PXK: variants seen among roughly 807,000 people sequenced by gnomAD.
PXK encodes the protein PX domain containing serine/threonine kinase like, also known as PX domain-containing protein kinase-like protein.
In PXK, 35 loss-of-function variants were observed where a neutral mutation model predicts 84.7. The ratio of observed to expected loss-of-function variants is 0.41; its 90% CI spans 0.32 to 0.55. The LOEUF (loss-of-function observed/expected upper bound fraction) is 0.55. PXK is among the 20% of genes least tolerant of loss of function. The probability of loss-of-function intolerance (pLI) is 0.21; values close to 1 mark genes in which losing one functional copy is unlikely to be tolerated. For missense variants in PXK, 634 were observed against 699.7 expected, an observed-to-expected ratio of 0.91 and a Z score of 1.06; for synonymous variants, 253 against 260.8, an observed-to-expected ratio of 0.97 and a Z score of 0.29.
At chr3:58,342,497 AG>A (rs1229372257) in intron 1 of PXK, among the ~76,000 whole-genome samples, 31 of 152,014 alleles carry the variant, frequency 2.0e-4, no homozygotes, top group African/African-American at 6.5e-4. Flanking sequence ...TAGCCAGGTA[AG>A]GTAGTGCATG....
At position 58,407,394 on chromosome 3, in the gene PXK, G is replaced by A. The variant is rs1052723919; in HGVS notation, c.1231-1530G>A. 6.6e-6 allele frequency among the ~76,000 whole-genome samples: 1 copy of A among 151,710 alleles called. No individual in the cohort carries two copies. Among genetic ancestry groups the A allele is most frequent in the African/African-American group, 2.4e-5 (1 of 41,268 alleles). Reference sequence around the variant, plus strand: ...ATGTCTTTTGCCTCTTTTTAATTGGGTTACTTATATTTTGTTGTTGAGTTG... The same window carrying A: ...ATGTCTTTTGCCTCTTTTTAATTGGATTACTTATATTTTGTTGTTGAGTTG... On this transcript the variant is annotated intron_variant, in intron 13 of 17. Transcript: ENST00000356151. The surrounding 1 kb of genome is among the most constrained non-coding windows in gnomAD (Gnocchi z 4.3).
chr3:58,408,858 C>A, intron 13 of PXK, 66 bp from the exon 14 acceptor site: 1 of 1,242,644 alleles, frequency 8.0e-7, no homozygotes, highest in Non-Finnish European at 1.2e-6. Flanking sequence ...CCTTCATTTA[C>A]TCCAGGACTT....
rs1194417791 is a variant in PXK at position 58,408,955 on chromosome 3, T to C, written c.1262T>C (p.Ile421Thr). The change falls in exon 14 of 18, where the codon ATT (isoleucine) becomes ACT (threonine). Residue 421 changes from isoleucine (I) to threonine (T), a missense_variant. Physicochemically the swap from Ile to Thr is moderately conservative, Grantham distance 89 (BLOSUM62 -1). Around this residue, in one of 3 missense-constraint regions of PXK, gnomAD observed 273 missense variants for 283.6 expected, o/e 0.96. Coordinates refer to ENST00000356151, the MANE Select transcript of PXK (RefSeq NM_017771.5). The part of the protein sequence containing the change: ...IPTKLKEALR[I>T]AKECIEKRLI... ...ACAAAGTTAAAAGAGGCATTGAGAA[T>C]TGCCAAAGAATGTATAGAGAAGAGA... 1 of 1,589,590 alleles carries C rather than the reference T, an allele frequency of 6.3e-7. No individual in the cohort carries two copies. The highest frequency in any genetic ancestry group is 8.6e-7 in the Non-Finnish European group (1 of 1,157,914).
intron 1 of PXK, among the ~76,000 whole-genome samples, chr3:58,344,797 C>T (rs2097788542): frequency 6.6e-6 from 1 of 152,176 alleles, no homozygotes; most frequent in South Asian, 2.1e-4. Context: ...CATTGCACTC[C>T]AGCCTGGGCA....
rs957642177 is a variant in PXK at position 58,421,285 on chromosome 3, G to C, written c.1529-3467G>C. ...GCTGGCTGCTAACATGGGCCTAAGAGTCGGTGGGGAAGGGAGCCAGGCGCA... is the reference window on the plus strand; with the variant it reads ...GCTGGCTGCTAACATGGGCCTAAGACTCGGTGGGGAAGGGAGCCAGGCGCA... On this transcript the variant is annotated intron_variant, in intron 17 of 17. Transcript: ENST00000356151. This position sits in a 1 kb window ranked among gnomAD's most constrained non-coding sequence, Gnocchi z 5.5. 1.0e-6 allele frequency: 1 copy of C among 985,314 alleles called. No homozygotes were observed. The highest frequency in any genetic ancestry group is 1.2e-6 in the Non-Finnish European group (1 of 829,908). The allele number at this position is 985,314 out of a possible 1,614,324, so 61.0% of individuals were successfully genotyped here.
In PXK at chr3:58,416,867, AC is replaced by A. The variant is rs1318076101; in HGVS notation, c.1528+3907del. ...TGAACTCCTGACCTCAAAGTGATCC[AC>A]CCGCCTCGGCCCCCAAAGTGCTGGG... On this transcript the variant is annotated intron_variant, in intron 17 of 17. Transcript: ENST00000356151. The surrounding 1 kb of genome is among the most constrained non-coding windows in gnomAD (Gnocchi z 4.8). 1.3e-5 allele frequency among the ~76,000 whole-genome samples: 2 copies of A among 151,884 alleles called. No homozygotes were observed. Among genetic ancestry groups the A allele is most frequent in the African/African-American group, 2.4e-5 (1 of 41,342 alleles).
Position 58,409,744 on chromosome 3 carries a change from T to C in PXK, c.1395+126T>C. On this transcript the variant is annotated intron_variant, in intron 15 of 17. Coordinates refer to ENST00000356151, the MANE Select transcript of PXK (RefSeq NM_017771.5). This position sits in a 1 kb window ranked among gnomAD's most constrained non-coding sequence, Gnocchi z 4.2. ...TATCTCCTTGAAAGCTAAGACTATTTCCAGATGACTGGGGTGCAGTTTTTT... is the reference window on the plus strand; with the variant it reads ...TATCTCCTTGAAAGCTAAGACTATTCCCAGATGACTGGGGTGCAGTTTTTT... The C allele has an allele frequency of 1.3e-6, 1 of 779,632 alleles. No homozygotes were observed. The highest frequency in any genetic ancestry group is 2.0e-6 in the Non-Finnish European group (1 of 505,142). 48.3% of individuals were successfully genotyped at this position (779,632 alleles called of 1,614,324 possible). A position where few individuals can be genotyped will look rare whatever the true frequency, so the allele number is the denominator to read the frequency against.
intron 1 of PXK, among the ~76,000 whole-genome samples, chr3:58,334,051 C>CAA (rs2097544754): frequency 6.6e-6 from 1 of 152,188 alleles, no homozygotes; most frequent in African/African-American, 2.4e-5. Flanking sequence ...GATTCAGACT[C>CAA]AGAGGCTTGT....
intron 12 of PXK, among the ~76,000 whole-genome samples, chr3:58,402,297 C>T (rs1355128211): frequency 1.5e-5 from 2 of 135,564 alleles, no homozygotes; most frequent in African/African-American, 5.3e-5. Context: ...GAGAGTCTTG[C>T]TATGTTATGC....
At chr3:58,336,071 A>ATATATATATATATTTTTTT (rs1284780630) in intron 1 of PXK, among the ~76,000 whole-genome samples, 1 of 51,572 alleles carries the variant, frequency 1.9e-5, no homozygotes, top group African/African-American at 1.0e-4. Flanking sequence ...ATATATATAT[A>ATATATATATATATTTTTTT]TTTTTTTTTT....
chr3:58,424,142 A>G (rs774123353), intron 17 of PXK, among the ~76,000 whole-genome samples: 2 of 152,212 alleles, frequency 1.3e-5, no homozygotes, highest in Non-Finnish European at 2.9e-5. Flanking sequence ...TCTTTAATGC[A>G]ACCTAATAGG....
intron 12 of PXK, among the ~76,000 whole-genome samples, chr3:58,403,036 G>C (rs1276945027): frequency 1.4e-5 from 2 of 144,670 alleles, no homozygotes; most frequent in African/African-American, 5.2e-5. Context: ...ATGGAGTCTT[G>C]CTCTGTTGCC....
At chr3:58,375,918 A>G (rs751870384) in intron 3 of PXK, among the ~76,000 whole-genome samples, 2 of 152,074 alleles carry the variant, frequency 1.3e-5, no homozygotes, top group African/African-American at 4.8e-5. Flanking sequence ...GCTTTAAGTA[A>G]TGAATGTTAA....
Position 58,424,772 on chromosome 3 carries a change from C to T in PXK, c.1549C>T (p.Pro517Ser). 2 of 1,613,892 alleles carry T rather than the reference C, an allele frequency of 1.2e-6. No homozygotes were observed. Among genetic ancestry groups the T allele is most frequent in the Non-Finnish European group, 1.7e-6 (2 of 1,179,940 alleles). Residue 517 changes from proline (P) to serine (S), a missense_variant, in exon 18 of 18, where the codon CCT becomes TCT. By Grantham distance (74) the Pro-to-Ser change is moderately conservative. Transcript: ENST00000356151. ...CACAGGGATATCTGCATTACCTCCA[C>T]CTCCTCCACCTCCACCACCACCAGC... ...STSGISALPP[P>S]PPPPPPPAAP...
In PXK at chr3:58,424,797, C is replaced by A; in HGVS notation, c.1574C>A (p.Ala525Glu). 1 of 1,614,178 alleles carries A rather than the reference C, an allele frequency of 6.2e-7. No individual in the cohort carries two copies. Among genetic ancestry groups the A allele is most frequent in the Non-Finnish European group, 8.5e-7 (1 of 1,180,026 alleles). Residue 525 changes from alanine to glutamate, a missense_variant, in exon 18 of 18, where the codon GCA becomes GAA. By Grantham distance (107) the Ala-to-Glu change is moderately radical (BLOSUM62 -1). This residue lies in a region of PXK where 273 missense variants were observed against 283.6 expected (regional missense o/e 0.96). Transcript: ENST00000356151. ...PPPPPPPPPP[A>E]APLPPASTEA... ...CCTCCTCCACCTCCACCACCACCAGCAGCTCCCTTGCCTCCTGCGAGCACC... is the reference window on the plus strand; with the variant it reads ...CCTCCTCCACCTCCACCACCACCAGAAGCTCCCTTGCCTCCTGCGAGCACC...
intron 1 of PXK, among the ~76,000 whole-genome samples, chr3:58,343,589 GAC>G (rs1184625465): frequency 1.3e-5 from 2 of 152,240 alleles, no homozygotes; most frequent in Non-Finnish European, 2.9e-5. Flanking sequence ...GTGCATAGAA[GAC>G]ACACCTCTGC....
intron 1 of PXK, among the ~76,000 whole-genome samples, chr3:58,342,646 A>AAAAAG (rs1186100955): frequency 6.8e-6 from 1 of 146,502 alleles, no homozygotes; most frequent in South Asian, 2.1e-4. Flanking sequence ...AAAAAAAAAA[A>AAAAAG]AAAAAGAAAA....
intron 3 of PXK, among the ~76,000 whole-genome samples, chr3:58,376,910 G>C (rs575890950): frequency 6.6e-6 from 1 of 152,274 alleles, no homozygotes; most frequent in South Asian, 2.1e-4. Context: ...AAAGTGCTGG[G>C]ATTACAGGCA....
chr3:58,404,385 G>C (rs745529176), intron 13 of PXK, among the ~76,000 whole-genome samples: 1 of 152,028 alleles, frequency 6.6e-6, no homozygotes, highest in South Asian at 2.1e-4. Flanking sequence ...TTGTTGTGAG[G>C]GCTGCCTGTG....
Sources: gnomAD v4.1 joint callset for allele counts (sites outside exome capture counted in the v4.1 genomes callset) on GRCh38, gnomAD v4.1.1 for gene constraint, gnomAD v4.1.1 regional missense constraint, Gnocchi (gnomAD v3.1) non-coding constraint, MANE v1.5 for transcripts, NCBI Gene and HGNC (gene_info 2026-07-23, HGNC 2026-07-21) for gene names.